The following GPR141 variants were observed in gnomAD, a reference collection of about 807,000 sequenced individuals.
GPR141 encodes G protein-coupled receptor 141, also known as probable G protein-coupled receptor 141.
Under a neutral mutation model 6.8 loss-of-function variants are expected in GPR141, and 6 were observed. The observed-to-expected ratio is 0.88, with a 90% CI of 0.48 to 1.74. The LOEUF (loss-of-function observed/expected upper bound fraction) is 1.74. Among genes scored for constraint, GPR141 ranks in the 40% most tolerant of loss-of-function variants. The pLI is 0.01. For missense variants in GPR141, 372 were observed against 372.9 expected (o/e 1.00, Z 0.02); for synonymous variants, 140 against 142.3 (o/e 0.98, Z 0.11).
At chr7:37,704,093 A>G (rs2131766337) in intron 2 of GPR141, among the ~76,000 whole-genome samples, 1 of 152,294 alleles carries the variant, frequency 6.6e-6, no homozygotes, top group South Asian at 2.1e-4. Context: ...AGACCCACTG[A>G]TAGTATAGAT....
At chr7:37,688,125 G>A (rs1307753650) in intron 2 of GPR141, among the ~76,000 whole-genome samples, 4 of 152,078 alleles carry the variant, frequency 2.6e-5, no homozygotes, top group Admixed American at 6.5e-5. Context: ...TGAATGCTTC[G>A]TGTCAACTTT....
intron 2 of GPR141, among the ~76,000 whole-genome samples, chr7:37,715,033 GT>G (rs1407120220): frequency 6.6e-6 from 1 of 152,146 alleles, no homozygotes; most frequent in Non-Finnish European, 1.5e-5. Flanking sequence ...TATGTTACTG[GT>G]TTTAAAGTTT....
At position 37,694,191 on chromosome 7, in the gene GPR141, A is replaced by G. The variant is rs984009569; in HGVS notation, c.-15+8608A>G. Among the ~76,000 whole-genome samples the G allele has an allele frequency of 3.9e-5, 6 of 152,246 alleles. No homozygotes were observed. The South Asian group carries it at 6.2e-4, about 16-fold the overall frequency. On this transcript the variant is annotated intron_variant, in intron 2 of 2. Transcript: ENST00000334425. ...AGCTCTGAAACCTGTGTCAGGGCAC[A>G]GTAGTAACTGGAAGGGATGAGAAGC...
At chr7:37,684,153 C>G (rs548108534) in intron 1 of GPR141, among the ~76,000 whole-genome samples, 50 of 152,274 alleles carry the variant, frequency 3.3e-4, no homozygotes, top group African/African-American at 1.2e-3. Flanking sequence ...ATTTCAGAAT[C>G]TCTCTGTCAA....
intron 2 of GPR141, among the ~76,000 whole-genome samples, chr7:37,707,547 C>A (rs930951784): frequency 6.6e-6 from 1 of 152,186 alleles, no homozygotes; most frequent in African/African-American, 2.4e-5. Flanking sequence ...ATCAAGTGTA[C>A]ACTCTATGCC....
In GPR141 at chr7:37,702,550, C is replaced by G. The variant is rs117362590; in HGVS notation, c.-15+16967C>G. Among the ~76,000 whole-genome samples, 640 of 151,890 alleles carry G rather than the reference C, an allele frequency of 4.2e-3. 3 individuals carry two copies. The highest frequency in any genetic ancestry group is 7.5e-3 in the Non-Finnish European group (511 of 67,918). ...AAGTTAAATAATCTTACTTTCTTCTCAAACAATACACATATCTCGGAACAC... is the reference window on the plus strand; with the variant it reads ...AAGTTAAATAATCTTACTTTCTTCTGAAACAATACACATATCTCGGAACAC... On this transcript the variant is annotated intron_variant, in intron 2 of 2. Transcript: ENST00000334425.
At chr7:37,702,649 G>C (rs565991204) in intron 2 of GPR141, among the ~76,000 whole-genome samples, 81 of 151,628 alleles carry the variant, frequency 5.3e-4, no homozygotes, top group African/African-American at 1.9e-3. Context: ...TGACGAGTTA[G>C]TGGGTGCAGC....
chr7:37,689,945 G>T (rs765349721), intron 2 of GPR141, among the ~76,000 whole-genome samples: 1 of 149,734 alleles, frequency 6.7e-6, no homozygotes, highest in Non-Finnish European at 1.5e-5. Context: ...TCTAATTTGG[G>T]GTTTGTTTTG....
intron 2 of GPR141, among the ~76,000 whole-genome samples, chr7:37,708,810 A>G (rs1348277731): frequency 1.3e-5 from 2 of 152,148 alleles, no homozygotes; most frequent in African/African-American, 4.8e-5. Context: ...CATTTTTACA[A>G]CATTTCATAG....
Position 37,741,101 on chromosome 7 carries a change from T to C in GPR141, c.708T>C (p.Val236=). 6.2e-7 allele frequency: 1 copy of C among 1,614,008 alleles called. No individual in the cohort carries two copies. Residue 236 remains valine, a synonymous_variant, in exon 3 of 3, where the codon GTT becomes GTC. Transcript: ENST00000334425. ...TATTTTTTATAGGGGTCATCCTTGT[T>C]TGTTTCCTTCCCTACCAGTTCTTTA... ...KNLFFIGVIL[V]CFLPYQFFRI...
rs1809587360 is a variant in GPR141, at chr7:37,688,013, G to A, written c.-15+2430G>A. The stretch of plus-strand genomic sequence containing the variant: ...TTGCAATGTGAATGCAACCACAGAC[G>A]ATGCATAAATAAATAAGCTTGGCTG... On this transcript the variant is annotated intron_variant, in intron 2 of 2. Coordinates refer to ENST00000334425, the MANE Select transcript of GPR141 (RefSeq NM_001381946.1). Among the ~76,000 whole-genome samples the A allele has an allele frequency of 3.9e-5, 6 of 152,238 alleles. No homozygotes were observed. The South Asian group carries it at 1.2e-3, about 32-fold the overall frequency.
intron 2 of GPR141, among the ~76,000 whole-genome samples, chr7:37,738,820 G>A (rs143948221): frequency 2.1e-4 from 32 of 152,072 alleles, no homozygotes; most frequent in African/African-American, 7.5e-4. Context: ...TATCTGATTT[G>A]CTTTTTGTCA....
At chr7:37,704,892 T>A (rs1185750888) in intron 2 of GPR141, among the ~76,000 whole-genome samples, 1 of 152,168 alleles carries the variant, frequency 6.6e-6, no homozygotes, top group Non-Finnish European at 1.5e-5. Context: ...TTAAAAGATG[T>A]TTAAAAAATG....
At chr7:37,713,686 A>G (rs978624337) in intron 2 of GPR141, among the ~76,000 whole-genome samples, 9 of 152,178 alleles carry the variant, frequency 5.9e-5, no homozygotes, top group Admixed American at 1.3e-4. Context: ...TAAAGATACT[A>G]TGTCTTTAAA....
At chr7:37,699,019 G>A (rs1810153290) in intron 2 of GPR141, among the ~76,000 whole-genome samples, 1 of 152,208 alleles carries the variant, frequency 6.6e-6, no homozygotes, top group Admixed American at 6.5e-5. Context: ...CTGGTGTGCT[G>A]TCACCTTATT....
At chr7:37,684,210 A>G (rs1281293629) in intron 1 of GPR141, among the ~76,000 whole-genome samples, 2 of 152,216 alleles carry the variant, frequency 1.3e-5, no homozygotes, top group South Asian at 2.1e-4. Flanking sequence ...AGTTGGCACT[A>G]TTGAATTTGT....
At chr7:37,719,194 G>T (rs1811195984) in intron 2 of GPR141, among the ~76,000 whole-genome samples, 1 of 152,122 alleles carries the variant, frequency 6.6e-6, no homozygotes, top group African/African-American at 2.4e-5. Flanking sequence ...TGGCTGCTTG[G>T]TAACCAGCAC....
chr7:37,692,988 G>A lies in GPR141; in HGVS notation c.-15+7405G>A, dbSNP rs141125896. 6.0e-3 allele frequency among the ~76,000 whole-genome samples: 906 copies of A among 152,132 alleles called. 2 individuals are homozygous for A. The highest frequency in any genetic ancestry group is 0.017 in the Middle Eastern group (5 of 294). ...GACAGTTGTTTTATTTTTTTGCTGC[G>A]CAGAAGCTCTTTAGTTTAATTAGAT... On this transcript the variant is annotated intron_variant, in intron 2 of 2. Coordinates refer to ENST00000334425, the MANE Select transcript of GPR141 (RefSeq NM_001381946.1).
chr7:37,736,887 T>G (rs2131858737), intron 2 of GPR141, among the ~76,000 whole-genome samples: 1 of 152,132 alleles, frequency 6.6e-6, no homozygotes, highest in East Asian at 1.9e-4. Flanking sequence ...GAAAACTAAA[T>G]GGACAAAAAT....
Sources: gnomAD v4.1 joint callset for allele counts (sites outside exome capture counted in the v4.1 genomes callset) on GRCh38, gnomAD v4.1.1 for gene constraint, MANE v1.5 for transcripts, NCBI Gene and HGNC (gene_info 2026-07-23, HGNC 2026-07-21) for gene names.